The following LAGE3 variants were observed in gnomAD, a reference collection of about 807,000 sequenced individuals.
The protein encoded by LAGE3 is EKC/KEOPS complex subunit LAGE3.
Under a neutral mutation model 4.4 loss-of-function variants are expected in LAGE3, and 2 were observed. That is an observed-to-expected ratio of 0.46 (90% CI 0.19 to 1.44). The LOEUF is 1.44. Among genes scored for constraint, LAGE3 ranks in the 40% most tolerant of loss-of-function variants. The pLI is 0.26. For synonymous variants in LAGE3, 79 were observed against 60.0 expected (o/e 1.32, Z -1.47); for missense variants, 152 against 138.1 (o/e 1.10, Z -0.51).
chrX:154,478,912 G>T lies in LAGE3; in HGVS notation c.4C>A (p.Arg2=), dbSNP rs1252909989. Residue 2 remains arginine (R), a synonymous_variant, in exon 1 of 3, where the codon CGG becomes AGG. Coordinates refer to ENST00000357360, the MANE Select transcript of LAGE3 (RefSeq NM_006014.5). Reference sequence around the variant, plus strand: ...CCGCCTGCGTCTGCATCCGCGTCCCGCATGACCGCCGCCGCGCCGCTCCGA... The same window carrying T: ...CCGCCTGCGTCTGCATCCGCGTCCCTCATGACCGCCGCCGCGCCGCTCCGA... M[R]DADADAGGGA... is the part of the protein sequence containing the mutation. 1 of 952,348 alleles carries T rather than the reference G, an allele frequency of 1.1e-6. No individual in the cohort carries two copies. The highest frequency in any genetic ancestry group is 1.3e-6 in the Non-Finnish European group (1 of 750,100). 78.5% of individuals were successfully genotyped at this position (952,348 alleles called of 1,213,427 possible).
Position 154,478,852 on chromosome X carries a change from T to C in LAGE3, c.64A>G (p.Ser22Gly). 1 of 1,036,870 alleles carries C rather than the reference T, an allele frequency of 9.6e-7. No homozygotes were observed. Among genetic ancestry groups the C allele is most frequent in the Non-Finnish European group, 1.2e-6 (1 of 815,134 alleles). The allele number at this position is 1,036,870 out of a possible 1,213,427, so 85.4% of individuals were successfully genotyped here. ...GCTGTGTCCACGCCCCCGCGGCAGC[T>C]GTGGCCACCCCGGCCATCCCCGCCG... ...ADGGDGRGGH[S>G]CRGGVDTAAA... Residue 22 changes from serine (S) to glycine (G), a missense_variant, in exon 1 of 3, where the codon AGC becomes GGC. Transcript: ENST00000357360.
rs782572582 is a variant in LAGE3 at position 154,478,888 on chromosome X, C to T, written c.28G>A (p.Gly10Arg). Residue 10 changes from glycine to arginine, a missense_variant, in exon 1 of 3, where the codon GGA becomes AGA. By Grantham distance (125) the Gly-to-Arg change is moderately radical. Coordinates refer to ENST00000357360, the MANE Select transcript of LAGE3 (RefSeq NM_006014.5). ...CGGCCATCCCCGCCGTCAGCGCCTC[C>T]GCCTGCGTCTGCATCCGCGTCCCGC... is the stretch of plus-strand genomic sequence containing the variant. MRDADADAGGGADGGDGRGG... is the reference protein window; with the variant it reads MRDADADAGRGADGGDGRGG... 6.8e-5 allele frequency: 68 copies of T among 1,002,906 alleles called. No homozygotes were observed. Among genetic ancestry groups the T allele is most frequent in the Middle Eastern group, 3.9e-4 (1 of 2,557 alleles). The allele number at this position is 1,002,906 out of a possible 1,213,427, so 82.7% of individuals were successfully genotyped here. A position where few individuals can be genotyped will look rare whatever the true frequency, so the allele number is the denominator to read the frequency against.
At chrX:154,478,101 T>G in intron 2 of LAGE3, 43 bp from the exon 3 acceptor site, 2 of 1,122,333 alleles carry the variant, frequency 1.8e-6, no homozygotes, top group Non-Finnish European at 2.4e-6. Flanking sequence ...AGGTGGCAAC[T>G]CCTGGTCCCT....
At position 154,478,407 on chromosome X, in the gene LAGE3, G is replaced by T. The variant is rs199499929; in HGVS notation, c.193C>A (p.Leu65Ile). 7.7e-5 allele frequency: 91 copies of T among 1,181,373 alleles called. No homozygotes were observed. Among genetic ancestry groups the T allele is most frequent in the East Asian group, 1.2e-4 (4 of 33,459 alleles). ...GSRMRPHIFT[L>I]SVPFPTPLEA... Reference sequence around the variant, plus strand: ...AAGGGGGTCGGGAAAGGCACGCTGAGGGTGCTGGGGGTCATTCGGTTAAGG... The same window carrying T: ...AAGGGGGTCGGGAAAGGCACGCTGATGGTGCTGGGGGTCATTCGGTTAAGG... The change falls in exon 2 of 3, where the codon CTC becomes ATC. Residue 65 changes from leucine to isoleucine, a missense_variant. By Grantham distance (5) the Leu-to-Ile change is conservative (BLOSUM62 2). Transcript: ENST00000357360.
In LAGE3 at chrX:154,477,783, C is replaced by T. The variant is rs781900294; in HGVS notation, c.*161G>A. On this transcript the variant is annotated 3_prime_UTR_variant, in exon 3 of 3. Coordinates refer to ENST00000357360, the MANE Select transcript of LAGE3 (RefSeq NM_006014.5). ...TAAACTCAGACTTGGAATAGTAGCGCAGTTTTATTTTCTGTAGTAACAAAC... is the reference window on the plus strand; with the variant it reads ...TAAACTCAGACTTGGAATAGTAGCGTAGTTTTATTTTCTGTAGTAACAAAC... The T allele has an allele frequency of 3.8e-4, 161 of 428,520 alleles. 1 individual carries two copies. The highest frequency in any genetic ancestry group is 2.3e-3 in the African/African-American group (90 of 38,559). The allele number at this position is 428,520 out of a possible 1,213,427, so 35.3% of individuals were successfully genotyped here. A position where few individuals can be genotyped will look rare whatever the true frequency, so the allele number is the denominator to read the frequency against.
chrX:154,478,297 G>A lies in LAGE3; in HGVS notation c.303C>T (p.Gly101=). 8.3e-7 allele frequency: 1 copy of A among 1,210,915 alleles called. No individual in the cohort carries two copies. The highest frequency in any genetic ancestry group is 1.1e-6 in the Non-Finnish European group (1 of 895,202). Residue 101 remains glycine, a synonymous_variant, in exon 2 of 3, where the codon GGC becomes GGT. Coordinates refer to ENST00000357360, the MANE Select transcript of LAGE3 (RefSeq NM_006014.5). ...TCAGAACTTACACGACCAGGATCCT[G>A]CCACTCACTGTGAGATCCTTCCCAA... ...RVVGKDLTVS[G]RILVVRWKAE... is the part of the protein sequence containing the mutation.
intron 1 of LAGE3, 93 bp downstream of exon 1, chrX:154,478,635 C>T: frequency 1.4e-6 from 1 of 719,398 alleles, no homozygotes; most frequent in Non-Finnish European, 1.9e-6. Context: ...CCCCCTGCTA[C>T]CCTTTCCGTC....
chrX:154,478,621 GT>G (rs2069253064), intron 1 of LAGE3, 106 bp downstream of exon 1: 1 of 933,723 alleles, frequency 1.1e-6, no homozygotes, highest in Non-Finnish European at 1.4e-6. Context: ...GCCAGCCCCG[GT>G]CCCCCCCTGC....
In LAGE3 at chrX:154,478,977, T is replaced by C. The variant is rs1053659765; in HGVS notation, c.-62A>G. The C allele has an allele frequency of 7.0e-6, 4 of 572,186 alleles. No homozygotes were observed. The highest frequency in any genetic ancestry group is 1.2e-4 in the South Asian group (2 of 16,046). 47.2% of individuals were successfully genotyped at this position (572,186 alleles called of 1,213,427 possible). On this transcript the variant is annotated 5_prime_UTR_variant, in exon 1 of 3. Coordinates refer to ENST00000357360, the MANE Select transcript of LAGE3 (RefSeq NM_006014.5). ...CGCAGGTCCTACGCCCCGCCCTCTC[T>C]GTGGCTCCTTCCCGAAGCCCCGCCC... is the stretch of plus-strand genomic sequence containing the variant.
chrX:154,478,038 C>T lies in LAGE3; in HGVS notation c.338G>A (p.Cys113Tyr). ...ILVVRWKAEDCRLLRISVINF... is the reference protein window; with the variant it reads ...ILVVRWKAEDYRLLRISVINF... ...GATGACGGAAATTCGGAGCAGGCGA[C>T]AGTCTTCAGCTTTCCAGCGGCTAAA... The change falls in exon 3 of 3, where the codon TGT becomes TAT. Residue 113 changes from cysteine to tyrosine, a missense_variant. Coordinates refer to ENST00000357360, the MANE Select transcript of LAGE3 (RefSeq NM_006014.5). 1 of 1,210,610 alleles carries T rather than the reference C, an allele frequency of 8.3e-7. No homozygotes were observed. Among genetic ancestry groups the T allele is most frequent in the Non-Finnish European group, 1.1e-6 (1 of 894,142 alleles).
At chrX:154,478,540 G>T in intron 1 of LAGE3, 129 bp from the exon 2 acceptor site, 1 of 991,780 alleles carries the variant, frequency 1.0e-6, no homozygotes, top group Admixed American at 3.8e-5. Context: ...ACCTCGCCCA[G>T]GCCACCGTTA....
chrX:154,478,223 T>C lies in LAGE3; in HGVS notation c.317+60A>G. 8 of 1,189,482 alleles carry C rather than the reference T, an allele frequency of 6.7e-6. No individual in the cohort carries two copies. In the South Asian group the frequency reaches 1.1e-4, roughly 16 times the overall value. On this transcript the variant is annotated intron_variant, in intron 2 of 2. Transcript: ENST00000357360. ...CCTGGCGCTCCTTAGGGCTCATCCT[T>C]GGATGTCCCCCATGTCTCCATGGGC...
rs1389007669 is a variant in LAGE3 at position 154,478,895 on chromosome X, G to C, written c.21C>G (p.Asp7Glu). The C allele has an allele frequency of 1.0e-6, 1 of 992,851 alleles. No homozygotes were observed. The highest frequency in any genetic ancestry group is 2.0e-5 in the African/African-American group (1 of 49,233). The allele number at this position is 992,851 out of a possible 1,213,427, so 81.8% of individuals were successfully genotyped here. MRDADADAGGGADGGDG... is the reference protein window; with the variant it reads MRDADAEAGGGADGGDG... ...CCCCGCCGTCAGCGCCTCCGCCTGC[G>C]TCTGCATCCGCGTCCCGCATGACCG... The change falls in exon 1 of 3, where the codon GAC becomes GAG. Residue 7 changes from aspartate to glutamate, a missense_variant. Physicochemically the swap from Asp to Glu is conservative, Grantham distance 45. Coordinates refer to ENST00000357360, the MANE Select transcript of LAGE3 (RefSeq NM_006014.5).
chrX:154,478,504 G>C lies in LAGE3; in HGVS notation c.189-93C>G, dbSNP rs782506314. ...CTGAAGCCCCCTCTCAGGTCACCCT[G>C]CCTAGTGTCACCCCCTTCACTCCTT... On this transcript the variant is annotated intron_variant, in intron 1 of 2. Transcript: ENST00000357360. The C allele has an allele frequency of 3.8e-6, 4 of 1,062,039 alleles. No homozygotes were observed. The South Asian group carries it at 6.8e-5, about 18-fold the overall frequency. 87.5% of individuals were successfully genotyped at this position (1,062,039 alleles called of 1,213,427 possible).
rs138808159 is a variant in LAGE3 at position 154,478,113 on chromosome X, G to A, written c.318-55C>T. 1.6e-3 allele frequency: 1,720 copies of A among 1,109,397 alleles called. 13 individuals are homozygous for A. The African/African-American group carries it at 0.027, about 17-fold the overall frequency. The allele number at this position is 1,109,397 out of a possible 1,213,427, so 91.4% of individuals were successfully genotyped here. A position where few individuals can be genotyped will look rare whatever the true frequency, so the allele number is the denominator to read the frequency against. On this transcript the variant is annotated intron_variant, in intron 2 of 2. Coordinates refer to ENST00000357360, the MANE Select transcript of LAGE3 (RefSeq NM_006014.5). The stretch of plus-strand genomic sequence containing the variant: ...TGGAGGTGGCAACTCCTGGTCCCTC[G>A]CTCTGCCCCTCAGGCACCCAATATA...
Position 154,478,750 on chromosome X carries a change from AC to A in LAGE3, c.165del (p.Ser56HisfsTer44), listed in dbSNP as rs2069254283. 3 of 1,091,434 alleles carry A rather than the reference AC, an allele frequency of 2.7e-6. No homozygotes were observed. The highest frequency in any genetic ancestry group is 3.5e-6 in the Non-Finnish European group (3 of 846,435). 89.9% of individuals were successfully genotyped at this position (1,091,434 alleles called of 1,213,427 possible). The part of the protein sequence containing the change: ...PGRDAASAAR[G>X]SRMRPHIFTL... ...TACAATATGTGCGGCCGCATTCGTG[AC>A]CCCCTGGCCGCAGACGCGGCGTCTC... On this transcript the variant is annotated frameshift_variant, in exon 1 of 3. Coordinates refer to ENST00000357360, the MANE Select transcript of LAGE3 (RefSeq NM_006014.5). LOFTEE classifies it high-confidence loss of function.
rs1482760362 is a variant in LAGE3, at chrX:154,478,745, T to C, written c.171A>G (p.Arg57=). 1.7e-5 allele frequency: 19 copies of C among 1,099,407 alleles called. No individual in the cohort carries two copies. The highest frequency in any genetic ancestry group is 1.9e-5 in the Non-Finnish European group (16 of 850,897). 90.6% of individuals were successfully genotyped at this position (1,099,407 alleles called of 1,213,427 possible). A position where few individuals can be genotyped will look rare whatever the true frequency, so the allele number is the denominator to read the frequency against. ...RDAASAARGS[R]MRPHIFTLSV... ...AAGGATACAATATGTGCGGCCGCAT[T>C]CGTGACCCCCTGGCCGCAGACGCGG... Residue 57 remains arginine (R), a synonymous_variant, in exon 1 of 3, where the codon CGA becomes CGG. Coordinates refer to ENST00000357360, the MANE Select transcript of LAGE3 (RefSeq NM_006014.5).
In LAGE3 at chrX:154,478,930, C is replaced by T; in HGVS notation, c.-15G>A. On this transcript the variant is annotated 5_prime_UTR_variant, in exon 1 of 3. Coordinates refer to ENST00000357360, the MANE Select transcript of LAGE3 (RefSeq NM_006014.5). Reference sequence around the variant, plus strand: ...GCGTCCCGCATGACCGCCGCCGCGCCGCTCCGACTCCACCCCCGAAGCGCA... The same window carrying T: ...GCGTCCCGCATGACCGCCGCCGCGCTGCTCCGACTCCACCCCCGAAGCGCA... 1 of 867,619 alleles carries T rather than the reference C, an allele frequency of 1.2e-6. No individual in the cohort carries two copies. The highest frequency in any genetic ancestry group is 2.1e-5 in the African/African-American group (1 of 47,565). The allele number at this position is 867,619 out of a possible 1,213,427, so 71.5% of individuals were successfully genotyped here.
chrX:154,478,622 TC>T, intron 1 of LAGE3, 105 bp downstream of exon 1: 8 of 435,420 alleles, frequency 1.8e-5, no homozygotes, highest in Non-Finnish European at 2.2e-5. Context: ...CCAGCCCCGG[TC>T]CCCCCCTGCT....
Sources: allele counts gnomAD v4.1 joint callset, GRCh38; gene constraint gnomAD v4.1.1; transcripts MANE v1.5; gene names NCBI Gene and HGNC (gene_info 2026-07-23, HGNC 2026-07-21).